DENND2A: variants seen among roughly 807,000 people sequenced by gnomAD.
DENND2A encodes the protein DENN domain containing 2A.
DENND2A carries 53 observed loss-of-function variants against 105.3 expected under a neutral mutation model. The observed-to-expected ratio is 0.50, with a 90% CI of 0.40 to 0.63. The LOEUF (loss-of-function observed/expected upper bound fraction) is 0.63. DENND2A is among the 30% of genes least tolerant of loss of function. The pLI is 0.00. For synonymous variants in DENND2A, 522 were observed against 508.4 expected (o/e 1.03, Z -0.36); for missense variants, 1,138 against 1,279.6 (o/e 0.89, Z 1.69).
At chr7:140,558,645 A>C (rs1314807926) in intron 10 of DENND2A, among the ~76,000 whole-genome samples, 4 of 151,276 alleles carry the variant, frequency 2.6e-5, no homozygotes, top group African/African-American at 9.7e-5. Context: ...GCAGTGAGCC[A>C]AGATCATGCC....
Position 140,544,618 on chromosome 7 carries a change from C to T in DENND2A, c.2327G>A (p.Ser776Asn), listed in dbSNP as rs776989363. Residue 776 changes from serine (S) to asparagine (N), a missense_variant and splice_region_variant, in exon 14 of 20, where the codon AGC becomes AAC. Around this residue, in one of 2 missense-constraint regions of DENND2A, gnomAD observed 627 missense variants for 779.8 expected, o/e 0.80. Coordinates refer to ENST00000496613, the MANE Select transcript of DENND2A (RefSeq NM_015689.5). ...TAGCAGAAGTAGCCAAGGCGGGTAC[C>T]TGAGCTTGTCTGCAATGAAGATGAC... ...RRVIFIADKL[S>N]ILSKCCHAMV... 1 of 1,614,136 alleles carries T rather than the reference C, an allele frequency of 6.2e-7. No homozygotes were observed.
At position 140,547,012 on chromosome 7, in the gene DENND2A, G is replaced by A. The variant is rs1796936287; in HGVS notation, c.2038-73C>T. 7.8e-6 allele frequency: 12 copies of A among 1,545,322 alleles called. No homozygotes were observed. In the South Asian group the frequency reaches 1.1e-4, roughly 14 times the overall value. On this transcript the variant is annotated intron_variant, in intron 12 of 19. Coordinates refer to ENST00000496613, the MANE Select transcript of DENND2A (RefSeq NM_015689.5). ...AAGGTGGAGCTCAGTTCTAGGTGAA[G>A]TGGGCCTGCCATGGTGACTCAAGAA... is the stretch of plus-strand genomic sequence containing the variant.
At chr7:140,594,677 C>T (rs1216546849) in intron 3 of DENND2A, among the ~76,000 whole-genome samples, 1 of 152,178 alleles carries the variant, frequency 6.6e-6, no homozygotes, top group Non-Finnish European at 1.5e-5. Context: ...GTCTAACACT[C>T]GATAGGTGCG....
intron 17 of DENND2A, 147 bp from the exon 18 acceptor site, chr7:140,522,247 T>C: frequency 1.0e-6 from 1 of 991,744 alleles, no homozygotes; most frequent in East Asian, 2.7e-5. Flanking sequence ...GTTACCCAGG[T>C]TATTAAGACA....
chr7:140,544,062 T>A (rs1258284078), intron 14 of DENND2A: 3 of 166,850 alleles, frequency 1.8e-5, no homozygotes, highest in African/African-American at 7.2e-5. Context: ...TGGCTGATTT[T>A]TGTATCTTTA....
intron 1 of DENND2A, among the ~76,000 whole-genome samples, chr7:140,625,705 A>ACAAACAAAAACAAAAAACAAAAT: frequency 6.6e-6 from 1 of 152,214 alleles, no homozygotes; most frequent in South Asian, 2.1e-4. Flanking sequence ...AAAAACAAAA[A>ACAAACAAAAACAAAAAACAAAAT]CAAACAAAAA....
At chr7:140,547,286 G>A (rs981962356) in intron 12 of DENND2A, among the ~76,000 whole-genome samples, 3 of 152,194 alleles carry the variant, frequency 2.0e-5, no homozygotes, top group Non-Finnish European at 4.4e-5. Context: ...TGGTTTTTGG[G>A]AGGAATGAAA....
intron 6 of DENND2A, 88 bp from the exon 7 acceptor site, chr7:140,569,826 G>A (rs1029141322): frequency 6.9e-5 from 60 of 867,628 alleles, no homozygotes; most frequent in Non-Finnish European, 1.2e-4. Context: ...CTCCTAGGAC[G>A]ATGGAGGGCC....
intron 1 of DENND2A, among the ~76,000 whole-genome samples, chr7:140,628,373 C>T (rs1453250942): frequency 6.6e-6 from 1 of 152,104 alleles, no homozygotes; most frequent in Non-Finnish European, 1.5e-5. Context: ...CGCCCTCAGA[C>T]CAGCGCAGCT....
chr7:140,591,793 TTTTC>T (rs201238063), intron 3 of DENND2A, among the ~76,000 whole-genome samples: 5,471 of 149,926 alleles, frequency 0.036, 197 homozygotes, highest in African/African-American at 0.096. Context: ...CTTTCTTTTC[TTTTC>T]TTTCTTTCTT....
chr7:140,638,972 A>T (rs1181074909), intron 1 of DENND2A, among the ~76,000 whole-genome samples: 2 of 152,196 alleles, frequency 1.3e-5, no homozygotes, highest in African/African-American at 4.8e-5. Flanking sequence ...TGTGCCACTG[A>T]TGTCTAGCAC....
rs531979786 is a variant in DENND2A, at chr7:140,527,518, G to A, written c.2328-23C>T. 1.3e-6 allele frequency: 2 copies of A among 1,574,832 alleles called. No individual in the cohort carries two copies. The highest frequency in any genetic ancestry group is 1.8e-4 in the Middle Eastern group (1 of 5,586). On this transcript the variant is annotated intron_variant, in intron 14 of 19. Transcript: ENST00000496613. The surrounding 1 kb of genome is among the most constrained non-coding windows in gnomAD (Gnocchi z 4.9). ...ATGCTGCAGCCGGGGAGAGAACAGG[G>A]AGAGAGGCCGACTCAGCGAGGGCCC...
At chr7:140,627,621 A>G (rs1381517192) in intron 1 of DENND2A, among the ~76,000 whole-genome samples, 3 of 152,032 alleles carry the variant, frequency 2.0e-5, no homozygotes, top group African/African-American at 7.2e-5. Flanking sequence ...TCCCAAGCTC[A>G]AGCAGTCCTC....
intron 14 of DENND2A, among the ~76,000 whole-genome samples, chr7:140,534,227 GGCACGTGCCACCACGCCCA>G (rs1796376539): frequency 6.6e-6 from 1 of 151,836 alleles, no homozygotes; most frequent in African/African-American, 2.4e-5. Flanking sequence ...TGGGATTACA[GGCACGTGCCACCACGCCCA>G]GCTAATTTTT....
At chr7:140,581,967 A>AT (rs372515936) in intron 5 of DENND2A, among the ~76,000 whole-genome samples, 6,994 of 117,706 alleles carry the variant, frequency 0.059, 529 homozygotes, top group African/African-American at 0.26. Flanking sequence ...CCTTGGGCAG[A>AT]TGTTTTTTTT....
intron 6 of DENND2A, among the ~76,000 whole-genome samples, chr7:140,572,483 C>T (rs1274589094): frequency 6.6e-6 from 1 of 151,814 alleles, no homozygotes; most frequent in East Asian, 2.0e-4. Flanking sequence ...AAGTTCCTGG[C>T]TGGGCACGGT....
intron 14 of DENND2A, among the ~76,000 whole-genome samples, chr7:140,530,881 G>A (rs1461917780): frequency 6.6e-6 from 1 of 152,034 alleles, no homozygotes; most frequent in Non-Finnish European, 1.5e-5. Context: ...ACAGGCATGC[G>A]CCACCATGCC....
chr7:140,519,800 A>G, intron 18 of DENND2A, 82 bp from the exon 19 acceptor site: 1 of 1,282,610 alleles, frequency 7.8e-7, no homozygotes. Flanking sequence ...TACCAGAGAA[A>G]AGAGAAACCT....
chr7:140,559,613 C>A lies in DENND2A; in HGVS notation c.1889+95G>T. The A allele has an allele frequency of 1.2e-6, 1 of 866,620 alleles. No homozygotes were observed. Among genetic ancestry groups the A allele is most frequent in the South Asian group, 1.5e-5 (1 of 66,110 alleles). The allele number at this position is 866,620 out of a possible 1,614,324, so 53.7% of individuals were successfully genotyped here. On this transcript the variant is annotated intron_variant, in intron 10 of 19. Coordinates refer to ENST00000496613, the MANE Select transcript of DENND2A (RefSeq NM_015689.5). This position sits in a 1 kb window ranked among gnomAD's most constrained non-coding sequence, Gnocchi z 4.1. ...GGCCAGGCCCATCAGGATTACTTAA[C>A]GGTGGGAATGACTCATGTGGTCTGC... is the stretch of plus-strand genomic sequence containing the variant.
Sources: gnomAD v4.1 joint callset for allele counts (sites outside exome capture counted in the v4.1 genomes callset) on GRCh38, gnomAD v4.1.1 for gene constraint, gnomAD v4.1.1 regional missense constraint, Gnocchi (gnomAD v3.1) non-coding constraint, MANE v1.5 for transcripts, NCBI Gene and HGNC (gene_info 2026-07-23, HGNC 2026-07-21) for gene names.